The following CFAP54 variants were observed in gnomAD, a reference collection of about 807,000 sequenced individuals.
The protein encoded by CFAP54 is cilia- and flagella-associated protein 54.
CFAP54 carries 290 observed loss-of-function variants against 370.4 expected under a neutral mutation model. That is an observed-to-expected ratio of 0.78 (90% CI 0.71 to 0.86). CFAP54 has a LOEUF of 0.86. Among genes scored for constraint, CFAP54 ranks in the 40% least tolerant of loss-of-function variants. The pLI, the probability that CFAP54 is intolerant of heterozygous loss-of-function variation, is 0.00. For synonymous variants in CFAP54, 1,206 were observed against 1,236.5 expected (o/e 0.98, Z 0.52); for missense variants, 3,399 against 3,528.7 (o/e 0.96, Z 0.93).
chr12:96,739,083 A>G (rs1344505065), intron 50 of CFAP54, among the ~76,000 whole-genome samples: 1 of 152,142 alleles, frequency 6.6e-6, no homozygotes, highest in Non-Finnish European at 1.5e-5. Flanking sequence ...TCAACTCATA[A>G]CACCTGTTAA....
At chr12:96,821,555 A>G (rs78086587) in intron 65 of CFAP54, among the ~76,000 whole-genome samples, 2 of 152,286 alleles carry the variant, frequency 1.3e-5, no homozygotes, top group East Asian at 1.9e-4. Flanking sequence ...CGTTAGTTCT[A>G]TATATGGAAG....
intron 26 of CFAP54, among the ~76,000 whole-genome samples, chr12:96,616,507 G>A (rs897383629): frequency 2.0e-5 from 3 of 151,914 alleles, no homozygotes; most frequent in Non-Finnish European, 4.4e-5. Context: ...AACTTAAAGT[G>A]TAAAAAGAAA....
chr12:96,704,452 GTATATATATA>G (rs71068825), intron 46 of CFAP54, among the ~76,000 whole-genome samples: 9,215 of 60,674 alleles, frequency 0.15, 1,000 homozygotes, highest in Middle Eastern at 0.23. Context: ...ATGTATGTGT[GTATATATATA>G]TATATATATA....
At chr12:96,804,272 C>T (rs777952131) in intron 63 of CFAP54, among the ~76,000 whole-genome samples, 2 of 152,102 alleles carry the variant, frequency 1.3e-5, no homozygotes, top group Non-Finnish European at 2.9e-5. Flanking sequence ...TAAGATAGTA[C>T]TGGAATTTCT....
At chr12:96,811,939 C>A in intron 64 of CFAP54, 97 bp downstream of exon 64, 1 of 626,532 alleles carries the variant, frequency 1.6e-6, no homozygotes, top group Non-Finnish European at 2.6e-6. Context: ...AGGAGACCTG[C>A]TAAAAGGCAC....
rs1338911563 is a variant in CFAP54 at position 96,658,332 on chromosome 12, G to C, written c.5446G>C (p.Glu1816Gln). ...TQQPCARYEAEYGEKITCRNF... is the reference protein window; with the variant it reads ...TQQPCARYEAQYGEKITCRNF... ...ACAACCTTGTGCAAGGTATGAGGCTGAATATGGAGAGAAGGTAAGTTTAAG... is the reference window on the plus strand; with the variant it reads ...ACAACCTTGTGCAAGGTATGAGGCTCAATATGGAGAGAAGGTAAGTTTAAG... The change falls in exon 38 of 68, where the codon GAA becomes CAA. Residue 1816 changes from glutamate (E) to glutamine (Q), a missense_variant. Physicochemically the swap from Glu to Gln is conservative, Grantham distance 29. This residue lies in a region of CFAP54 where 2,796 missense variants were observed against 2,869.7 expected (regional missense o/e 0.97). Coordinates refer to ENST00000524981, the MANE Select transcript of CFAP54 (RefSeq NM_001306084.2). 1 of 1,613,976 alleles carries C rather than the reference G, an allele frequency of 6.2e-7. No homozygotes were observed. Among genetic ancestry groups the C allele is most frequent in the Non-Finnish European group, 8.5e-7 (1 of 1,179,956 alleles).
At chr12:96,664,779 A>ATATCTATATCTATC (rs1565934497) in intron 39 of CFAP54, among the ~76,000 whole-genome samples, 9 of 13,874 alleles carry the variant, frequency 6.5e-4, no homozygotes, top group South Asian at 1.7e-3. Flanking sequence ...ATCTATATCT[A>ATATCTATATCTATC]TATATATATA....
At chr12:96,826,498 T>G (rs1404420358) in intron 65 of CFAP54, among the ~76,000 whole-genome samples, 1 of 108,248 alleles carries the variant, frequency 9.2e-6, no homozygotes, top group African/African-American at 3.6e-5. Flanking sequence ...ATATATAATA[T>G]ATATCATGAT....
At chr12:96,825,300 T>TTA (rs1365461799) in intron 65 of CFAP54, among the ~76,000 whole-genome samples, 1 of 127,460 alleles carries the variant, frequency 7.8e-6, no homozygotes, top group Non-Finnish European at 1.6e-5. Context: ...ATATAATATA[T>TTA]TATATATATA....
intron 45 of CFAP54, among the ~76,000 whole-genome samples, chr12:96,695,541 T>TTTAAAA (rs1957432688): frequency 6.6e-6 from 1 of 152,220 alleles, no homozygotes; most frequent in African/African-American, 2.4e-5. Context: ...TTCCAACACT[T>TTTAAAA]TTAAAAGAAA....
chr12:96,649,750 A>G (rs1956837208), intron 34 of CFAP54, 141 bp from the exon 35 acceptor site: 1 of 545,872 alleles, frequency 1.8e-6, no homozygotes, highest in African/African-American at 2.0e-5. Context: ...GGTTCATTGT[A>G]TCTCTGATAG....
chr12:96,664,947 G>A lies in CFAP54; in HGVS notation c.5563+1015G>A, dbSNP rs1387527400. ...ACACTCCCACTAACAATGTATAAGC[G>A]TTCGTTTTTCTCCACAACCTTGCCA... On this transcript the variant is annotated intron_variant, in intron 39 of 67. Transcript: ENST00000524981. Among the ~76,000 whole-genome samples the A allele has an allele frequency of 3.3e-5, 5 of 151,176 alleles. No individual in the cohort carries two copies. In the South Asian group the frequency reaches 6.3e-4, roughly 19 times the overall value.
chr12:96,543,647 G>T (rs1252321451), intron 14 of CFAP54, among the ~76,000 whole-genome samples: 3 of 152,080 alleles, frequency 2.0e-5, no homozygotes, highest in Non-Finnish European at 4.4e-5. Flanking sequence ...TTTGGATGAT[G>T]TTTTCGTTTT....
Position 96,688,928 on chromosome 12 carries a change from A to G in CFAP54, c.6027A>G (p.Ser2009=). ...TATACTTACTTAGATTTATTAAGTC[A>G]TTGAATGTTGAAAAGAAAACTGACT... is the stretch of plus-strand genomic sequence containing the variant. The part of the protein sequence containing the change: ...ISAKIAQFIK[S]LNVEKKTDCC... The change falls in exon 43 of 68, where the codon TCA becomes TCG. Residue 2009 remains serine, a synonymous_variant. Coordinates refer to ENST00000524981, the MANE Select transcript of CFAP54 (RefSeq NM_001306084.2). The G allele has an allele frequency of 6.3e-7, 1 of 1,578,798 alleles. No homozygotes were observed. Among genetic ancestry groups the G allele is most frequent in the Non-Finnish European group, 8.6e-7 (1 of 1,165,370 alleles).
intron 52 of CFAP54, among the ~76,000 whole-genome samples, chr12:96,743,052 T>G (rs974279501): frequency 6.6e-6 from 1 of 152,220 alleles, no homozygotes; most frequent in Non-Finnish European, 1.5e-5. Flanking sequence ...TGGGTTAAAT[T>G]TATACTGTTC....
At chr12:96,545,146 C>T (rs956812008) in intron 14 of CFAP54, among the ~76,000 whole-genome samples, 4 of 152,128 alleles carry the variant, frequency 2.6e-5, no homozygotes, top group Non-Finnish European at 4.4e-5. Context: ...CTCCTGACCT[C>T]AGGTGATCCA....
In CFAP54 at chr12:96,686,269, A is replaced by G. The variant is rs368459304; in HGVS notation, c.6014+1031A>G. 2.0e-5 allele frequency among the ~76,000 whole-genome samples: 3 copies of G among 152,244 alleles called. 1 individual carries two copies. On this transcript the variant is annotated intron_variant, in intron 42 of 67. Coordinates refer to ENST00000524981, the MANE Select transcript of CFAP54 (RefSeq NM_001306084.2). Reference sequence around the variant, plus strand: ...AATCTCCTCTTCTTATATGGATACCAGTCATATTGGATTAGGGCCCACCTC... The same window carrying G: ...AATCTCCTCTTCTTATATGGATACCGGTCATATTGGATTAGGGCCCACCTC...
chr12:96,682,423 A>T (rs1296930659), intron 40 of CFAP54: 5 of 500,234 alleles, frequency 1.0e-5, no homozygotes, highest in Non-Finnish European at 1.3e-5. Flanking sequence ...GCTGGAGTGC[A>T]GTGGTGCCAT....
At chr12:96,520,512 CA>C (rs911752440) in intron 6 of CFAP54, among the ~76,000 whole-genome samples, 16 of 152,042 alleles carry the variant, frequency 1.1e-4, no homozygotes, top group African/African-American at 3.9e-4. Context: ...AACTCCATCT[CA>C]AAAAAATTTA....
Sources: gnomAD v4.1 joint callset for allele counts (sites outside exome capture counted in the v4.1 genomes callset) on GRCh38, gnomAD v4.1.1 for gene constraint, gnomAD v4.1.1 regional missense constraint, MANE v1.5 for transcripts, NCBI Gene and HGNC (gene_info 2026-07-23, HGNC 2026-07-21) for gene names.